RGS6: variants seen among roughly 807,000 people sequenced by gnomAD.
RGS6 encodes the protein regulator of G-protein signaling 6.
RGS6 carries 30 observed loss-of-function variants against 78.5 expected under a neutral mutation model. The observed-to-expected ratio is 0.38, with a 90% confidence interval of 0.29 to 0.52. The LOEUF (loss-of-function observed/expected upper bound fraction) is 0.52. Among genes scored for constraint, RGS6 ranks in the 20% least tolerant of loss-of-function variants. The pLI, the probability that RGS6 is intolerant of heterozygous loss-of-function variation, is 0.85. For synonymous variants in RGS6, 206 were observed against 206.0 expected (o/e 1.00, Z 0.00); for missense variants, 495 against 609.7 (o/e 0.81, Z 1.98).
At chr14:72,234,391 G>T (rs1262934362) in intron 2 of RGS6, among the ~76,000 whole-genome samples, 1 of 151,764 alleles carries the variant, frequency 6.6e-6, no homozygotes, top group Non-Finnish European at 1.5e-5. Context: ...AAACAGAAAT[G>T]ATGCCAGCTG....
intron 2 of RGS6, among the ~76,000 whole-genome samples, chr14:72,271,213 A>G (rs1469872928): frequency 6.6e-6 from 1 of 152,280 alleles, no homozygotes. Flanking sequence ...TTATAAAGGA[A>G]AGAGGTTTAA....
At chr14:72,308,759 C>T (rs1397705913) in intron 2 of RGS6, among the ~76,000 whole-genome samples, 2 of 152,072 alleles carry the variant, frequency 1.3e-5, no homozygotes, top group African/African-American at 4.8e-5. Context: ...TTGGCACTAG[C>T]CAAAAGGGGG....
chr14:71,884,902 A>G, the RGS6 span, among the ~76,000 whole-genome samples: 354 of 152,220 alleles, frequency 2.3e-3, no homozygotes, highest in Middle Eastern at 6.8e-3. Flanking sequence ...CCTGTGGTAT[A>G]AGGGCAGGCA....
chr14:72,507,503 T>G (rs115798866), intron 13 of RGS6, among the ~76,000 whole-genome samples: 19 of 152,306 alleles, frequency 1.2e-4, no homozygotes, highest in Non-Finnish European at 2.6e-4. Context: ...ACCCATTTAT[T>G]TCTGCTGAAC....
chr14:72,528,024 C>A (rs2153479248), intron 15 of RGS6, among the ~76,000 whole-genome samples: 1 of 152,322 alleles, frequency 6.6e-6, no homozygotes, highest in Admixed American at 6.5e-5. Context: ...GAAATGAGAT[C>A]TGTGCTGTCT....
chr14:72,514,065 G>A (rs1207559507), intron 14 of RGS6: 7 of 152,196 alleles, frequency 4.6e-5, no homozygotes, highest in Admixed American at 4.6e-4. Flanking sequence ...TAGGAACAGA[G>A]GTGACTCCCA....
intron 15 of RGS6, among the ~76,000 whole-genome samples, chr14:72,520,515 TA>T (rs2097022541): frequency 6.6e-6 from 1 of 152,218 alleles, no homozygotes; most frequent in Non-Finnish European, 1.5e-5. Flanking sequence ...ATTAGTTAAT[TA>T]GAGGTTACAA....
chr14:72,465,785 A>G lies in RGS6; in HGVS notation c.422A>G (p.Gln141Arg). Reference protein sequence around the residue: ...YAIYLCKRTMQNKARLELADY... With the variant: ...YAIYLCKRTMRNKARLELADY... ...ATCTATCTCTGTAAGAGGACAATGC[A>G]AAATAAAGCAAGGCTGGAACTGGCA... The change falls in exon 7 of 18, where the codon CAA (glutamine) becomes CGA (arginine). Residue 141 changes from glutamine to arginine, a missense_variant. Physicochemically the swap from Gln to Arg is conservative, Grantham distance 43. Transcript: ENST00000553525. 1 of 1,614,020 alleles carries G rather than the reference A, an allele frequency of 6.2e-7. No homozygotes were observed. The highest frequency in any genetic ancestry group is 1.1e-5 in the South Asian group (1 of 91,082).
chr14:72,444,034 G>C (rs765382276), intron 3 of RGS6, among the ~76,000 whole-genome samples: 3 of 152,078 alleles, frequency 2.0e-5, no homozygotes, highest in Non-Finnish European at 2.9e-5. Flanking sequence ...TGCCCTGGAC[G>C]CTTTTGATTG....
chr14:71,868,353 T>C, the RGS6 span, among the ~76,000 whole-genome samples: 2 of 152,184 alleles, frequency 1.3e-5, no homozygotes, highest in African/African-American at 4.8e-5. Context: ...TAAACTGACA[T>C]GTCTTTAAGG....
intron 2 of RGS6, among the ~76,000 whole-genome samples, chr14:72,095,220 CCCTA>C: frequency 6.6e-6 from 1 of 152,010 alleles, no homozygotes; most frequent in South Asian, 2.1e-4. Flanking sequence ...AATAATTTAG[CCCTA>C]TCAAGCAGAA....
At chr14:72,370,421 T>C (rs1246261143) in intron 3 of RGS6, among the ~76,000 whole-genome samples, 1 of 152,194 alleles carries the variant, frequency 6.6e-6, no homozygotes, top group Non-Finnish European at 1.5e-5. Context: ...TTTACCTGAC[T>C]CTGGTATTGA....
At chr14:72,288,923 A>C (rs376652677) in intron 2 of RGS6, among the ~76,000 whole-genome samples, 21 of 152,208 alleles carry the variant, frequency 1.4e-4, no homozygotes, top group Non-Finnish European at 1.6e-4. Context: ...GGTAAGGTTC[A>C]CTTGGCCTGG....
intron 2 of RGS6, among the ~76,000 whole-genome samples, chr14:72,182,087 G>GT (rs1318797768): frequency 9.9e-5 from 15 of 152,060 alleles, no homozygotes; most frequent in East Asian, 1.9e-4. Flanking sequence ...CAGGTGTGAG[G>GT]TTTTTTTTCT....
the RGS6 span, among the ~76,000 whole-genome samples, chr14:71,871,509 T>C: frequency 1.3e-5 from 2 of 152,172 alleles, no homozygotes; most frequent in African/African-American, 4.8e-5. Flanking sequence ...CTGATTTTTT[T>C]CCCTCTTTTG....
At chr14:72,255,852 G>A (rs912204535) in intron 2 of RGS6, among the ~76,000 whole-genome samples, 1 of 152,192 alleles carries the variant, frequency 6.6e-6, no homozygotes, top group Admixed American at 6.5e-5. Context: ...ATTGAACTAA[G>A]TGATAACTTA....
intron 2 of RGS6, among the ~76,000 whole-genome samples, chr14:72,310,977 A>G (rs922771557): frequency 6.6e-6 from 1 of 152,244 alleles, no homozygotes; most frequent in African/African-American, 2.4e-5. Context: ...TCTTGTCAGA[A>G]TAAGAAAACA....
chr14:72,029,252 C>T (rs992828390), intron 2 of RGS6, among the ~76,000 whole-genome samples: 1 of 152,212 alleles, frequency 6.6e-6, no homozygotes, highest in African/African-American at 2.4e-5. Context: ...CCTTGTCACC[C>T]AAAGACTGCA....
intron 2 of RGS6, among the ~76,000 whole-genome samples, chr14:72,272,745 GAATGAATTAGGTA>G (rs1185198179): frequency 6.6e-6 from 1 of 152,176 alleles, no homozygotes; most frequent in African/African-American, 2.4e-5. Flanking sequence ...AAAGAGTAAT[GAATGAATTAGGTA>G]AATGAATTAG....
Sources: gnomAD v4.1 joint callset for allele counts (sites outside exome capture counted in the v4.1 genomes callset) on GRCh38, gnomAD v4.1.1 for gene constraint, MANE v1.5 for transcripts, NCBI Gene and HGNC (gene_info 2026-07-23, HGNC 2026-07-21) for gene names.